Variants in LRFN2 observed in about 807,000 individuals in gnomAD.
The protein encoded by LRFN2 is leucine-rich repeat and fibronectin type-III domain-containing protein 2.
In LRFN2, 18 loss-of-function variants were observed where a neutral mutation model predicts 37.3. The ratio of observed to expected loss-of-function variants is 0.48; its 90% CI spans 0.33 to 0.72. The LOEUF is 0.72. Ranked by LOEUF, LRFN2 falls within the 30% of genes least tolerant of loss-of-function variation. LRFN2 has a pLI of 0.02. For synonymous variants in LRFN2, 556 were observed against 466.6 expected (o/e 1.19, Z -2.47); for missense variants, 1,006 against 1,060.7 (o/e 0.95, Z 0.72).
intron 1 of LRFN2, among the ~76,000 whole-genome samples, chr6:40,440,559 G>A (rs1232076527): frequency 1.3e-5 from 2 of 152,198 alleles, no homozygotes; most frequent in East Asian, 3.8e-4. Flanking sequence ...TGGCCCCTCT[G>A]ACACCCTGTG....
intron 1 of LRFN2, among the ~76,000 whole-genome samples, chr6:40,565,706 C>T (rs1370782371): frequency 6.6e-6 from 1 of 151,300 alleles, no homozygotes; most frequent in Non-Finnish European, 1.5e-5. Context: ...AACTGGATCC[C>T]TTCCTTACAC....
At chr6:40,419,341 C>T (rs1448842671) in intron 2 of LRFN2, among the ~76,000 whole-genome samples, 2 of 152,174 alleles carry the variant, frequency 1.3e-5, no homozygotes, top group Admixed American at 6.5e-5. Context: ...TTCATTTCTG[C>T]AGGTGGGCTT....
intron 1 of LRFN2, among the ~76,000 whole-genome samples, chr6:40,507,091 G>T (rs924837174): frequency 6.6e-6 from 1 of 152,190 alleles, no homozygotes; most frequent in South Asian, 2.1e-4. Flanking sequence ...CTCCCCGCGT[G>T]GATGACGTCC....
intron 1 of LRFN2, among the ~76,000 whole-genome samples, chr6:40,434,667 AG>A (rs1763601207): frequency 6.6e-6 from 1 of 151,794 alleles, no homozygotes. Context: ...TAGTAGAGAC[AG>A]GGTTTCACCA....
At chr6:40,441,157 T>A (rs1385422595) in intron 1 of LRFN2, among the ~76,000 whole-genome samples, 1 of 152,212 alleles carries the variant, frequency 6.6e-6, no homozygotes, top group Non-Finnish European at 1.5e-5. Context: ...ATGGAAAACA[T>A]CTTCTACCCA....
At chr6:40,498,739 A>G (rs1765298055) in intron 1 of LRFN2, among the ~76,000 whole-genome samples, 2 of 152,180 alleles carry the variant, frequency 1.3e-5, no homozygotes, top group South Asian at 2.1e-4. Flanking sequence ...GCCAATCATG[A>G]TCCCTGCCCT....
intron 2 of LRFN2, among the ~76,000 whole-genome samples, chr6:40,402,138 T>TG (rs1373074483): frequency 6.6e-6 from 1 of 152,140 alleles, no homozygotes; most frequent in Non-Finnish European, 1.5e-5. Flanking sequence ...AGGAGATGAG[T>TG]GTTGTTCCAT....
intron 1 of LRFN2, among the ~76,000 whole-genome samples, chr6:40,433,498 TTGGA>T (rs1160936691): frequency 6.6e-6 from 1 of 152,194 alleles, no homozygotes; most frequent in Non-Finnish European, 1.5e-5. Flanking sequence ...TAACTATCTG[TTGGA>T]TGGATGGATG....
At chr6:40,422,455 G>C (rs939176486) in intron 2 of LRFN2, among the ~76,000 whole-genome samples, 1 of 151,818 alleles carries the variant, frequency 6.6e-6, no homozygotes, top group Admixed American at 6.5e-5. Context: ...TTTTGGTGGG[G>C]GGATGCCACT....
intron 1 of LRFN2, among the ~76,000 whole-genome samples, chr6:40,549,287 G>A (rs1766722043): frequency 6.6e-6 from 1 of 152,112 alleles, no homozygotes; most frequent in African/African-American, 2.4e-5. Context: ...ATGTCAACTG[G>A]GCTAGTAGCA....
intron 2 of LRFN2, among the ~76,000 whole-genome samples, chr6:40,420,362 C>T (rs1461932806): frequency 6.6e-6 from 1 of 152,246 alleles, no homozygotes; most frequent in Non-Finnish European, 1.5e-5. Flanking sequence ...CACACACATT[C>T]ATGCCAGACC....
intron 1 of LRFN2, among the ~76,000 whole-genome samples, chr6:40,582,900 A>G (rs1478642312): frequency 6.6e-6 from 1 of 152,102 alleles, no homozygotes; most frequent in South Asian, 2.1e-4. Context: ...CCGACCTCCC[A>G]TCTTGATAAA....
At chr6:40,400,520 A>C (rs111917720) in intron 2 of LRFN2, among the ~76,000 whole-genome samples, 2 of 149,626 alleles carry the variant, frequency 1.3e-5, no homozygotes, top group African/African-American at 4.9e-5. Context: ...TCCCAGGCTC[A>C]AGCAATTCTC....
chr6:40,416,216 C>T (rs1250271979), intron 2 of LRFN2, among the ~76,000 whole-genome samples: 1 of 152,190 alleles, frequency 6.6e-6, no homozygotes, highest in Non-Finnish European at 1.5e-5. Context: ...ACCATGTTGG[C>T]CAGGCTGGTC....
At chr6:40,557,639 C>G (rs1443676323) in intron 1 of LRFN2, among the ~76,000 whole-genome samples, 2 of 152,074 alleles carry the variant, frequency 1.3e-5, no homozygotes, top group Admixed American at 6.6e-5. Flanking sequence ...GATACCACAG[C>G]CAGGACCCAA....
intron 1 of LRFN2, among the ~76,000 whole-genome samples, chr6:40,513,388 C>T (rs1765771013): frequency 6.6e-6 from 1 of 152,050 alleles, no homozygotes; most frequent in African/African-American, 2.4e-5. Context: ...TGCATGCCAC[C>T]ACGTCCAGCT....
Position 40,576,089 on chromosome 6 carries a change from G to A in LRFN2, c.-19+10852C>T, listed in dbSNP as rs550132373. On this transcript the variant is annotated intron_variant, in intron 1 of 2. Transcript: ENST00000338305. ...AGCCTTCCTGAGCTACAGTTTCCTC[G>A]CGTTTAAATGGAGACAAGTCTGCTT... 1.3e-3 allele frequency among the ~76,000 whole-genome samples: 203 copies of A among 152,178 alleles called. 1 individual carries two copies. Among genetic ancestry groups the A allele is most frequent in the African/African-American group, 4.7e-3 (193 of 41,488 alleles).
rs1278105260 is a variant in LRFN2 at position 40,392,849 on chromosome 6, G to A, written c.1464C>T (p.Asp488=). ...VNNLVSGTGY[D]LCVLAMWDDT... ...CATCCCACATGGCCAGCACACACAAGTCGTAGCCAGTCCCTGACACCAGGT... is the reference window on the plus strand; with the variant it reads ...CATCCCACATGGCCAGCACACACAAATCGTAGCCAGTCCCTGACACCAGGT... The change falls in exon 3 of 3, where the codon GAC becomes GAT. Residue 488 remains aspartate, a synonymous_variant. Coordinates refer to ENST00000338305, the MANE Select transcript of LRFN2 (RefSeq NM_020737.3). This position sits in a 1 kb window ranked among gnomAD's most constrained non-coding sequence, Gnocchi z 4.7. 1 of 1,614,036 alleles carries A rather than the reference G, an allele frequency of 6.2e-7. No individual in the cohort carries two copies. The highest frequency in any genetic ancestry group is 1.7e-5 in the Admixed American group (1 of 60,022).
At chr6:40,480,169 A>G (rs1253759590) in intron 1 of LRFN2, among the ~76,000 whole-genome samples, 1 of 152,236 alleles carries the variant, frequency 6.6e-6, no homozygotes, top group Non-Finnish European at 1.5e-5. Flanking sequence ...TGTTTCTCAG[A>G]TGAGGAAATG....
Sources: allele counts gnomAD v4.1 joint callset (sites outside exome capture counted in the v4.1 genomes callset), GRCh38; gene constraint gnomAD v4.1.1; non-coding constraint Gnocchi (gnomAD v3.1); transcripts MANE v1.5; gene names NCBI Gene and HGNC (gene_info 2026-07-23, HGNC 2026-07-21).